The following MICAL2 variants were observed in gnomAD, a reference collection of about 807,000 sequenced individuals.
MICAL2 encodes [F-actin]-monooxygenase MICAL2.
A neutral mutation model predicts 127.3 loss-of-function variants in MICAL2; 77 were observed. The observed-to-expected ratio is 0.60, with a 90% CI of 0.50 to 0.73. The LOEUF (loss-of-function observed/expected upper bound fraction) is 0.73. MICAL2 is among the 30% of genes least tolerant of loss of function. The probability of loss-of-function intolerance (pLI) is 0.00; values close to 1 mark genes in which losing one functional copy is unlikely to be tolerated. For synonymous variants in MICAL2, 570 were observed against 551.1 expected (o/e 1.03, Z -0.48); for missense variants, 1,351 against 1,434.4 (o/e 0.94, Z 0.94).
Position 12,313,961 on chromosome 11 carries a change from A to ATTTTTTTTT in MICAL2, c.5213-5721_5213-5713dup, listed in dbSNP as rs60681621. 2.6e-3 allele frequency among the ~76,000 whole-genome samples: 114 copies of ATTTTTTTTT among 43,742 alleles called. 2 individuals carry two copies. The highest frequency in any genetic ancestry group is 3.4e-3 in the African/African-American group (37 of 10,744). The allele number at this position is 43,742 out of a possible 152,430, so 28.7% of individuals were successfully genotyped here. ...TTTCTGGCCTTAATGTCTTGGTCTG[A>ATTTTTTTTT]TTTTTTTTTTTTTTTTTTTTTTGAT... On this transcript the variant is annotated intron_variant, in intron 29 of 34. Transcript: ENST00000646065.
intron 12 of MICAL2, 99 bp downstream of exon 12, chr11:12,223,600 C>A: frequency 9.7e-7 from 1 of 1,033,650 alleles, no homozygotes; most frequent in Non-Finnish European, 1.5e-6. Flanking sequence ...TGCAACCAGC[C>A]TGGCTCTGCC....
chr11:12,203,893 TATGAG>T (rs1447696486), intron 3 of MICAL2, among the ~76,000 whole-genome samples: 1 of 152,210 alleles, frequency 6.6e-6, no homozygotes, highest in Non-Finnish European at 1.5e-5. Flanking sequence ...ACAATAACCT[TATGAG>T]GAGAGTAGTA....
intron 3 of MICAL2, among the ~76,000 whole-genome samples, chr11:12,203,248 T>C (rs1854259331): frequency 6.6e-6 from 1 of 152,200 alleles, no homozygotes; most frequent in Admixed American, 6.5e-5. Flanking sequence ...TGTGTGAACA[T>C]GTTTTCATTT....
chr11:12,324,055 ACT>A lies in MICAL2; in HGVS notation c.5409_5410del (p.Tyr1804Ter), dbSNP rs767839839. On this transcript the variant is annotated frameshift_variant, in exon 31 of 35. Transcript: ENST00000646065. LOFTEE classifies it high-confidence loss of function. ...TGGTTAAGCAAGAAGAATTGAAAAG[ACT>A]CTATAAGGCTCAGGTCAGTAAATAA... 1.1e-5 allele frequency: 18 copies of A among 1,613,072 alleles called. No individual in the cohort carries two copies. The Admixed American group carries it at 2.7e-4, about 24-fold the overall frequency.
At chr11:12,160,083 A>G (rs892779912) in intron 2 of MICAL2, among the ~76,000 whole-genome samples, 10 of 152,156 alleles carry the variant, frequency 6.6e-5, no homozygotes, top group Admixed American at 3.3e-4. Context: ...CTTCAAGCCA[A>G]GCATAGTGCC....
Position 12,337,492 on chromosome 11 carries a change from C to T in MICAL2, c.5515+10226C>T, listed in dbSNP as rs993682945. 5.0e-3 allele frequency among the ~76,000 whole-genome samples: 759 copies of T among 152,254 alleles called. 3 individuals carry two copies. Among genetic ancestry groups the T allele is most frequent in the Non-Finnish European group, 8.5e-3 (578 of 68,026 alleles). On this transcript the variant is annotated intron_variant, in intron 32 of 34. Coordinates refer to the MICAL2 transcript ENST00000646065. The stretch of plus-strand genomic sequence containing the variant: ...GGTCTTAGTTATTTCTTGCCTTCTG[C>T]TAGCTTTTGAATGTGTTTGCTCTTG...
intron 32 of MICAL2, among the ~76,000 whole-genome samples, chr11:12,332,238 T>C (rs1475885366): frequency 6.6e-6 from 1 of 152,210 alleles, no homozygotes; most frequent in Non-Finnish European, 1.5e-5. Context: ...AAAAGGTACT[T>C]GAAGGCAGTG....
intron 29 of MICAL2, among the ~76,000 whole-genome samples, chr11:12,301,374 A>G (rs1044023548): frequency 6.6e-6 from 1 of 152,144 alleles, no homozygotes; most frequent in Non-Finnish European, 1.5e-5. Flanking sequence ...TTGTATGACT[A>G]TATCATAATT....
At chr11:12,252,089 C>T (rs1861623986) in intron 22 of MICAL2, among the ~76,000 whole-genome samples, 1 of 152,136 alleles carries the variant, frequency 6.6e-6, no homozygotes, top group African/African-American at 2.4e-5. Context: ...ATATAACTGA[C>T]CTCCCTGCCT....
At chr11:12,257,188 C>G (rs561723614) in intron 24 of MICAL2, 3 of 506,528 alleles carry the variant, frequency 5.9e-6, no homozygotes, top group South Asian at 6.8e-5. Context: ...CACTGTGGTA[C>G]GGCATACCAG....
intron 15 of MICAL2, 36 bp from the exon 16 acceptor site, chr11:12,236,141 C>G (rs1447141341): frequency 6.3e-7 from 1 of 1,588,538 alleles, no homozygotes; most frequent in Non-Finnish European, 8.6e-7. Flanking sequence ...CCCTTGGTGG[C>G]CCCCAGAGCT....
chr11:12,330,025 TG>T (rs1229991984), intron 32 of MICAL2, among the ~76,000 whole-genome samples: 1 of 152,192 alleles, frequency 6.6e-6, no homozygotes, highest in African/African-American at 2.4e-5. Flanking sequence ...GTTAAGTTTA[TG>T]GGCCTTTTTC....
At chr11:12,324,190 T>C in intron 31 of MICAL2, 3 of 1,214,270 alleles carry the variant, frequency 2.5e-6, no homozygotes, top group Middle Eastern at 2.4e-4. Context: ...GAAAGGTCAG[T>C]CTTGTTCTCT....
chr11:12,218,767 A>G (rs1856485799), intron 8 of MICAL2, among the ~76,000 whole-genome samples: 1 of 152,214 alleles, frequency 6.6e-6, no homozygotes, highest in Non-Finnish European at 1.5e-5. Flanking sequence ...TTTCCAGAAC[A>G]GGGTATTTGA....
intron 24 of MICAL2, 49 bp from the exon 25 acceptor site, chr11:12,258,419 T>C (rs779987576): frequency 2.1e-6 from 3 of 1,436,728 alleles, no homozygotes; most frequent in African/African-American, 2.8e-5. Flanking sequence ...TACTTAGCTC[T>C]AGTTTACAGG....
At chr11:12,321,766 C>CA (rs1380828757) in intron 30 of MICAL2, among the ~76,000 whole-genome samples, 7 of 152,050 alleles carry the variant, frequency 4.6e-5, no homozygotes, top group Admixed American at 4.6e-4. Context: ...GAGAAAGAGT[C>CA]AGAGTTTGAT....
chr11:12,339,140 G>A (rs1017632771), intron 32 of MICAL2, among the ~76,000 whole-genome samples: 2 of 152,150 alleles, frequency 1.3e-5, no homozygotes, highest in East Asian at 3.8e-4. Flanking sequence ...ATTTCTTGGA[G>A]GCTTTGTTCA....
intron 1 of MICAL2, among the ~76,000 whole-genome samples, chr11:12,277,253 G>GA (rs1863731366): frequency 6.6e-6 from 1 of 151,986 alleles, no homozygotes; most frequent in Non-Finnish European, 1.5e-5. Flanking sequence ...CTTGTTAAGA[G>GA]AAAGAGGGGA....
intron 18 of MICAL2, 46 bp downstream of exon 18, chr11:12,241,208 A>T (rs1405879543): frequency 6.3e-7 from 1 of 1,585,768 alleles, no homozygotes; most frequent in Non-Finnish European, 8.6e-7. Context: ...GCCAGAGGGG[A>T]CTTTGATCCA....
Sources: allele counts gnomAD v4.1 joint callset (sites outside exome capture counted in the v4.1 genomes callset), GRCh38; gene constraint gnomAD v4.1.1; transcripts MANE v1.5; gene names NCBI Gene and HGNC (gene_info 2026-07-23, HGNC 2026-07-21).